The following NTN5 variants were observed in gnomAD, a reference collection of about 807,000 sequenced individuals.
NTN5 encodes the protein netrin 5.
A neutral mutation model predicts 38.7 loss-of-function variants in NTN5; 42 were observed. The ratio of observed to expected loss-of-function variants is 1.08; its 90% CI spans 0.85 to 1.40. The LOEUF (loss-of-function observed/expected upper bound fraction) is 1.40. NTN5 is among the 40% of genes most tolerant of loss of function. The probability of loss-of-function intolerance (pLI) is 0.00; values close to 1 mark genes in which losing one functional copy is unlikely to be tolerated. For missense variants in NTN5, 658 were observed against 716.5 expected, an observed-to-expected ratio of 0.92 and a Z score of 0.93; for synonymous variants, 329 against 303.9, an observed-to-expected ratio of 1.08 and a Z score of -0.86.
At chr19:48,669,074 T>TATCACCATCATCACCACCACC (rs1568451663) in intron 2 of NTN5, among the ~76,000 whole-genome samples, 4 of 40,256 alleles carry the variant, frequency 9.9e-5, no homozygotes, top group Non-Finnish European at 1.6e-4. Flanking sequence ...CCACCACCAC[T>TATCACCATCATCACCACCACC]ATCACCATCA....
chr19:48,669,788 AC>A (rs1201877718), intron 2 of NTN5, among the ~76,000 whole-genome samples: 2 of 100,696 alleles, frequency 2.0e-5, no homozygotes, highest in African/African-American at 3.8e-5. Flanking sequence ...TCACACCACC[AC>A]CATCACCATC....
intron 6 of NTN5, chr19:48,663,034 G>A (rs1238999784): frequency 6.5e-5 from 24 of 368,872 alleles, no homozygotes; most frequent in Admixed American, 1.6e-4. Context: ...GAGCAGGTGT[G>A]GACTGGGGAT....
In NTN5 at chr19:48,663,777, AG is replaced by A. The variant is rs1289645973; in HGVS notation, c.1007del (p.Pro336LeufsTer23). On this transcript the variant is annotated frameshift_variant, in exon 5 of 7. Coordinates refer to ENST00000270235, the MANE Select transcript of NTN5 (RefSeq NM_145807.4). LOFTEE classifies it high-confidence loss of function. ...CTGTCTTACCAGAGCTATAAGCACCAGGAGTAGTGGCAAGGGTGGTTGTTGC... is the reference window on the plus strand; with the variant it reads ...CTGTCTTACCAGAGCTATAAGCACCAGAGTAGTGGCAAGGGTGGTTGTTGC... Reference protein sequence around the residue: ...PEATTTLATTPGAYSSDPQCQ... With the variant: ...PEATTTLATTXGAYSSDPQCQ... The A allele has an allele frequency of 6.2e-7, 1 of 1,614,018 alleles. No individual in the cohort carries two copies. The highest frequency in any genetic ancestry group is 1.3e-5 in the African/African-American group (1 of 74,912).
Position 48,672,544 on chromosome 19 carries a change from C to T in NTN5, c.-21+388G>A, listed in dbSNP as rs1422016929. Among the ~76,000 whole-genome samples, 3 of 152,348 alleles carry T rather than the reference C, an allele frequency of 2.0e-5. No homozygotes were observed. The East Asian group carries it at 5.8e-4, about 29-fold the overall frequency. ...CCAGATGACAGGCCTCGCCCTCCGC[C>T]CTCCCAAGGAGCCTGGCGCCATTTT... On this transcript the variant is annotated intron_variant, in intron 1 of 6. Coordinates refer to ENST00000270235, the MANE Select transcript of NTN5 (RefSeq NM_145807.4).
chr19:48,666,017 C>T (rs758398197), intron 2 of NTN5, among the ~76,000 whole-genome samples: 3 of 152,304 alleles, frequency 2.0e-5, no homozygotes, highest in South Asian at 2.1e-4. Context: ...CCAGGCCTGG[C>T]GGAGAGCAAG....
chr19:48,661,919 A>G lies in NTN5; in HGVS notation c.1228T>C (p.Trp410Arg). The G allele has an allele frequency of 2.2e-6, 3 of 1,363,442 alleles. No individual in the cohort carries two copies. The highest frequency in any genetic ancestry group is 2.8e-6 in the Non-Finnish European group (3 of 1,061,792). The allele number at this position is 1,363,442 out of a possible 1,614,324, so 84.5% of individuals were successfully genotyped here. Residue 410 changes from tryptophan (W) to arginine (R), a missense_variant, in exon 7 of 7, where the codon TGG becomes CGG. By Grantham distance (101) the Trp-to-Arg change is moderately radical (BLOSUM62 -3). Transcript: ENST00000270235. Reference sequence around the variant, plus strand: ...CAGGTCAGGTCGGCGCGGGGCACCCAGGCGTCCTGGTCGCCGCGTCGCACG... The same window carrying G: ...CAGGTCAGGTCGGCGCGGGGCACCCGGGCGTCCTGGTCGCCGCGTCGCACG... Reference protein sequence around the residue: ...QPVRRGDQDAWVPRADLTCGC... With the variant: ...QPVRRGDQDARVPRADLTCGC...
chr19:48,671,103 C>T (rs966755607), intron 1 of NTN5, 97 bp from the exon 2 acceptor site: 9 of 838,550 alleles, frequency 1.1e-5, no homozygotes, highest in Admixed American at 6.7e-5. Flanking sequence ...ACCCCCAACC[C>T]GTCCAGGCCC....
At chr19:48,664,860 A>C (rs1237775143) in intron 2 of NTN5, 93 bp from the exon 3 acceptor site, 3 of 1,124,052 alleles carry the variant, frequency 2.7e-6, no homozygotes, top group Non-Finnish European at 3.6e-6. Context: ...TCATGAAAGG[A>C]AGCCGTGAGT....
Position 48,664,640 on chromosome 19 carries a change from G to T in NTN5, c.759C>A (p.Tyr253Ter). The stretch of plus-strand genomic sequence containing the variant: ...GGTCCCTCCAGAACCCAGGTTGGCA[G>T]TAGTGGCAGTGCCGCCCAGCTGTGT... The part of the protein sequence containing the change: ...RHHTAGRHCH[Y>*]CQPGFWRDPS... Residue 253 changes from tyrosine to a stop codon, truncating the protein, a stop_gained, in exon 3 of 7, where the codon TAC becomes TAA. Coordinates refer to ENST00000270235, the MANE Select transcript of NTN5 (RefSeq NM_145807.4). LOFTEE classifies it high-confidence loss of function. 6.2e-7 allele frequency: 1 copy of T among 1,613,582 alleles called. No individual in the cohort carries two copies. The highest frequency in any genetic ancestry group is 1.1e-5 in the South Asian group (1 of 91,022).
intron 2 of NTN5, among the ~76,000 whole-genome samples, chr19:48,667,066 T>C (rs2031724575): frequency 6.6e-6 from 1 of 152,068 alleles, no homozygotes; most frequent in South Asian, 2.1e-4. Context: ...CCAGCCTCTG[T>C]TTTCTCCCTG....
In NTN5 at chr19:48,665,680, G is replaced by A. The variant is rs538109432; in HGVS notation, c.632-913C>T. ...CTAAAAATACAAAAATTAGCTGGGC[G>A]TGGTGGCACGCGCCTGTAATCCCAG... On this transcript the variant is annotated intron_variant, in intron 2 of 6. Transcript: ENST00000270235. 9.9e-5 allele frequency among the ~76,000 whole-genome samples: 15 copies of A among 151,984 alleles called. No individual in the cohort carries two copies. In the East Asian group the frequency reaches 2.7e-3, roughly 28 times the overall value.
chr19:48,664,780 T>C lies in NTN5; in HGVS notation c.632-13A>G, dbSNP rs748580932. 2 of 1,530,450 alleles carry C rather than the reference T, an allele frequency of 1.3e-6. No individual in the cohort carries two copies. The highest frequency in any genetic ancestry group is 1.2e-5 in the South Asian group (1 of 81,446). 94.8% of individuals were successfully genotyped at this position (1,530,450 alleles called of 1,614,324 possible). ...TTGCAGGAGCAGGCTAGGAGCAAAATGGGGTGGGGGCGCATCAGGGCCGAG... is the reference window on the plus strand; with the variant it reads ...TTGCAGGAGCAGGCTAGGAGCAAAACGGGGTGGGGGCGCATCAGGGCCGAG... On this transcript the variant is annotated splice_polypyrimidine_tract_variant and intron_variant, in intron 2 of 6. Coordinates refer to ENST00000270235, the MANE Select transcript of NTN5 (RefSeq NM_145807.4).
intron 2 of NTN5, among the ~76,000 whole-genome samples, chr19:48,669,085 T>G (rs1285575953): frequency 1.2e-5 from 1 of 80,554 alleles, no homozygotes; most frequent in Admixed American, 1.2e-4. Context: ...ATCACCATCA[T>G]CACCACCACC....
At chr19:48,669,612 TCAC>T (rs2031853497) in intron 2 of NTN5, among the ~76,000 whole-genome samples, 1 of 788 alleles carries the variant, frequency 1.3e-3, no homozygotes, top group Non-Finnish European at 2.3e-3. Context: ...ACCACCATCA[TCAC>T]CACCATCACC....
At chr19:48,672,744 C>G (rs1220922532) in intron 1 of NTN5, among the ~76,000 whole-genome samples, 188 bp downstream of exon 1, 1 of 152,108 alleles carries the variant, frequency 6.6e-6, no homozygotes, top group Non-Finnish European at 1.5e-5. Context: ...CCTGGGGGAT[C>G]CAGAAACCAG....
chr19:48,670,029 C>A (rs1351606836), intron 2 of NTN5, among the ~76,000 whole-genome samples: 1 of 136,326 alleles, frequency 7.3e-6, no homozygotes, highest in Non-Finnish European at 1.6e-5. Context: ...ACCACCATCA[C>A]CACCACAGTC....
Position 48,661,686 on chromosome 19 carries a change from C to T in NTN5, c.1461G>A (p.Pro487=), listed in dbSNP as rs1230124107. Residue 487 remains proline (P), a synonymous_variant, in exon 7 of 7, where the codon CCG becomes CCA. Coordinates refer to ENST00000270235, the MANE Select transcript of NTN5 (RefSeq NM_145807.4). ...CAGCCCCATCTCACGTCTAGTGCTC[C>T]GGCCTGGGACTGGGTGTGGGTGCCC... ...GVRAPTPSPR[P]EH is the part of the protein sequence containing the mutation. The T allele has an allele frequency of 2.6e-6, 4 of 1,550,508 alleles. No homozygotes were observed. The highest frequency in any genetic ancestry group is 2.6e-6 in the Non-Finnish European group (3 of 1,159,022).
Position 48,670,376 on chromosome 19 carries a change from C to G in NTN5, c.611G>C (p.Arg204Pro). 1 of 1,413,650 alleles carries G rather than the reference C, an allele frequency of 7.1e-7. No homozygotes were observed. The highest frequency in any genetic ancestry group is 1.6e-5 in the South Asian group (1 of 63,524). The allele number at this position is 1,413,650 out of a possible 1,614,324, so 87.6% of individuals were successfully genotyped here. Residue 204 changes from arginine to proline, a missense_variant, in exon 2 of 7, where the codon CGG becomes CCG. Coordinates refer to ENST00000270235, the MANE Select transcript of NTN5 (RefSeq NM_145807.4). The part of the protein sequence containing the change: ...RDWPWRPATP[R>P]HPHPCLPCSC... ...CTCACGTAGGCAAGGGTGGGGGTGCCGGGGCGTGGCAGGCCGCCAGGGCCA... is the reference window on the plus strand; with the variant it reads ...CTCACGTAGGCAAGGGTGGGGGTGCGGGGGCGTGGCAGGCCGCCAGGGCCA...
chr19:48,672,534 C>T (rs994065118), intron 1 of NTN5, among the ~76,000 whole-genome samples: 4 of 152,202 alleles, frequency 2.6e-5, no homozygotes, highest in Middle Eastern at 3.2e-3. Flanking sequence ...TGACAGGCCT[C>T]GCCCTCCGCC....
Sources: allele counts gnomAD v4.1 joint callset (sites outside exome capture counted in the v4.1 genomes callset), GRCh38; gene constraint gnomAD v4.1.1; transcripts MANE v1.5; gene names NCBI Gene and HGNC (gene_info 2026-07-23, HGNC 2026-07-21).